CCDC68: variants seen among roughly 807,000 people sequenced by gnomAD.
The protein encoded by CCDC68 is coiled-coil domain-containing protein 68.
Under a neutral mutation model 47.1 loss-of-function variants are expected in CCDC68, and 45 were observed. That is an observed-to-expected ratio of 0.96 (90% CI 0.75 to 1.23). The LOEUF (loss-of-function observed/expected upper bound fraction) is 1.23. CCDC68 is among the 50% of genes most tolerant of loss of function. The probability of loss-of-function intolerance (pLI) is 0.00; values close to 1 mark genes in which losing one functional copy is unlikely to be tolerated. For missense variants in CCDC68, 353 were observed against 373.6 expected, an observed-to-expected ratio of 0.94 and a Z score of 0.45; for synonymous variants, 131 against 129.5, an observed-to-expected ratio of 1.01 and a Z score of -0.08.
chr18:54,916,497 A>G (rs2043954959), intron 10 of CCDC68, among the ~76,000 whole-genome samples: 1 of 152,208 alleles, frequency 6.6e-6, no homozygotes, highest in African/African-American at 2.4e-5. Context: ...GGACTGGGCA[A>G]CATTACGCTG....
chr18:54,951,479 T>C (rs1408313217), intron 1 of CCDC68, among the ~76,000 whole-genome samples: 1 of 152,182 alleles, frequency 6.6e-6, no homozygotes, highest in Non-Finnish European at 1.5e-5. Context: ...ATTTTGCAGA[T>C]GAAGAAACAA....
At position 54,903,607 on chromosome 18, in the gene CCDC68, G is replaced by T. The variant is rs866066361; in HGVS notation, c.*751C>A. On this transcript the variant is annotated 3_prime_UTR_variant, in exon 12 of 12. Transcript: ENST00000591504. ...TTAATAACTATCAAGAAGAAAATTA[G>T]TCACAAAGGCAGAGGAAACCATGTG... The T allele has an allele frequency of 6.6e-6, 1 of 152,110 alleles. No homozygotes were observed. The allele number at this position is 152,110 out of a possible 1,614,324, so 9.4% of individuals were successfully genotyped here.
intron 1 of CCDC68, among the ~76,000 whole-genome samples, chr18:54,950,674 A>C: frequency 6.6e-6 from 1 of 151,980 alleles, no homozygotes. Context: ...TATTTGTGTA[A>C]ACACAATATA....
intron 7 of CCDC68, among the ~76,000 whole-genome samples, chr18:54,931,190 C>T (rs1011264613): frequency 5.3e-5 from 8 of 152,180 alleles, no homozygotes; most frequent in South Asian, 2.1e-4. Flanking sequence ...ACCAGACAAC[C>T]GGACAAGTAA....
intron 1 of CCDC68, among the ~76,000 whole-genome samples, chr18:54,956,134 C>T (rs574544921): frequency 2.8e-4 from 43 of 152,116 alleles, no homozygotes; most frequent in South Asian, 6.2e-4. Flanking sequence ...GAATTACAGG[C>T]GCATGCCACC....
intron 8 of CCDC68, among the ~76,000 whole-genome samples, chr18:54,928,061 C>T (rs192710689): frequency 3.3e-5 from 5 of 152,148 alleles, no homozygotes; most frequent in Admixed American, 2.6e-4. Context: ...ATCTTGAAAT[C>T]GATTTGACTT....
intron 8 of CCDC68, among the ~76,000 whole-genome samples, chr18:54,921,247 G>A (rs991889104): frequency 7.2e-5 from 11 of 152,142 alleles, no homozygotes; most frequent in African/African-American, 2.7e-4. Context: ...GTGCTATGCT[G>A]GCTACCTAGG....
rs1226630501 is a variant in CCDC68 at position 54,941,001 on chromosome 18, G to A, written c.200C>T (p.Ala67Val). Residue 67 changes from alanine (A) to valine (V), a missense_variant, in exon 4 of 12, where the codon GCA becomes GTA. Physicochemically the swap from Ala to Val is moderately conservative, Grantham distance 64. Coordinates refer to ENST00000591504, the MANE Select transcript of CCDC68 (RefSeq NM_025214.3). ...RHDSTNHKLDAKHCGNLQQGS... is the reference protein window; with the variant it reads ...RHDSTNHKLDVKHCGNLQQGS... ...TCTTCTGCAGGAAATTATTACCTTT[G>A]CATCTAGTTTGTGATTTGTACTGTC... 1 of 1,598,998 alleles carries A rather than the reference G, an allele frequency of 6.3e-7. No individual in the cohort carries two copies. The highest frequency in any genetic ancestry group is 1.3e-5 in the African/African-American group (1 of 74,482).
At position 54,955,562 on chromosome 18, in the gene CCDC68, A is replaced by C. The variant is rs551659540; in HGVS notation, c.-103+3774T>G. 2.6e-5 allele frequency among the ~76,000 whole-genome samples: 4 copies of C among 152,310 alleles called. No individual in the cohort carries two copies. In the South Asian group the frequency reaches 8.3e-4, roughly 32 times the overall value. On this transcript the variant is annotated intron_variant, in intron 1 of 11. Coordinates refer to ENST00000591504, the MANE Select transcript of CCDC68 (RefSeq NM_025214.3). ...GCATGACCCGCCCCCACCACTCAAA[A>C]TGCATTTGCCATAATAGTTAGCACA...
At chr18:54,906,616 A>G (rs758405311) in intron 11 of CCDC68, among the ~76,000 whole-genome samples, 1 of 152,126 alleles carries the variant, frequency 6.6e-6, no homozygotes, top group Non-Finnish European at 1.5e-5. Flanking sequence ...AGGGAGCAAA[A>G]TATTAGCCAT....
At chr18:54,912,051 T>C (rs995128598) in intron 10 of CCDC68, among the ~76,000 whole-genome samples, 4 of 152,240 alleles carry the variant, frequency 2.6e-5, no homozygotes, top group African/African-American at 9.6e-5. Flanking sequence ...AAGGATAGTT[T>C]ATTGACATAG....
At chr18:54,908,852 A>G (rs926498996) in intron 10 of CCDC68, among the ~76,000 whole-genome samples, 22 of 151,926 alleles carry the variant, frequency 1.4e-4, no homozygotes, top group Admixed American at 1.4e-3. Context: ...TGGGACCACA[A>G]GTGTGCACCA....
At chr18:54,950,375 GCA>G (rs1568163778) in intron 1 of CCDC68, among the ~76,000 whole-genome samples, 1 of 152,170 alleles carries the variant, frequency 6.6e-6, no homozygotes, top group East Asian at 1.9e-4. Flanking sequence ...ATACTAAATA[GCA>G]CACCTGTTCT....
chr18:54,934,837 C>G lies in CCDC68; in HGVS notation c.583G>C (p.Val195Leu). The change falls in exon 7 of 12, where the codon GTA (valine) becomes CTA (leucine). Residue 195 changes from valine to leucine, a missense_variant. By Grantham distance (32) the Val-to-Leu change is conservative. Transcript: ENST00000591504. ...HSQITELENLVQRMEKEKRTL... is the reference protein window; with the variant it reads ...HSQITELENLLQRMEKEKRTL... ...GGGCGTACCTTTTCCATTCTCTGTA[C>G]AAGGTTCTCCAATTCTGTAATTTGA... 1.3e-6 allele frequency: 2 copies of G among 1,588,360 alleles called. No individual in the cohort carries two copies. Among genetic ancestry groups the G allele is most frequent in the South Asian group, 1.2e-5 (1 of 86,628 alleles).
At chr18:54,940,108 T>G (rs2044411205) in intron 4 of CCDC68, among the ~76,000 whole-genome samples, 1 of 152,152 alleles carries the variant, frequency 6.6e-6, no homozygotes. Context: ...CTTCTCTCAT[T>G]TCTCTCCACA....
chr18:54,939,242 G>A (rs1002752382), intron 4 of CCDC68, among the ~76,000 whole-genome samples: 8 of 151,896 alleles, frequency 5.3e-5, no homozygotes, highest in African/African-American at 1.9e-4. Flanking sequence ...CATATACAGA[G>A]TAGGAATTAT....
rs1221322922 is a variant in CCDC68, at chr18:54,901,520, A to G, written c.*2838T>C. On this transcript the variant is annotated 3_prime_UTR_variant, in exon 12 of 12. Transcript: ENST00000591504. ...AAAAAACTACTTAATTCATTTATGCATAATTTTAATATAAAAAGAAAACCA... is the reference window on the plus strand; with the variant it reads ...AAAAAACTACTTAATTCATTTATGCGTAATTTTAATATAAAAAGAAAACCA... The G allele has an allele frequency of 6.6e-6, 1 of 152,210 alleles. No individual in the cohort carries two copies. The highest frequency in any genetic ancestry group is 2.4e-5 in the African/African-American group (1 of 41,454). The allele number at this position is 152,210 out of a possible 1,614,324, so 9.4% of individuals were successfully genotyped here. A position where few individuals can be genotyped will look rare whatever the true frequency, so the allele number is the denominator to read the frequency against.
intron 10 of CCDC68, among the ~76,000 whole-genome samples, chr18:54,912,091 TTAA>T (rs1914402774): frequency 6.6e-6 from 1 of 152,236 alleles, no homozygotes; most frequent in South Asian, 2.1e-4. Flanking sequence ...TTTTGCATAC[TTAA>T]TATTTTAGCA....
intron 1 of CCDC68, among the ~76,000 whole-genome samples, chr18:54,956,657 C>G (rs2044717246): frequency 6.6e-6 from 1 of 152,156 alleles, no homozygotes; most frequent in African/African-American, 2.4e-5. Flanking sequence ...AAGCCAGATG[C>G]TAAAGACTAT....
Sources: allele counts gnomAD v4.1 joint callset (sites outside exome capture counted in the v4.1 genomes callset), GRCh38; gene constraint gnomAD v4.1.1; transcripts MANE v1.5; gene names NCBI Gene and HGNC (gene_info 2026-07-23, HGNC 2026-07-21).